The following DNASE1 variants were observed in gnomAD, a reference collection of about 807,000 sequenced individuals.
The protein encoded by DNASE1 is deoxyribonuclease-1.
DNASE1 carries 40 observed loss-of-function variants against 33.9 expected under a neutral mutation model. That is an observed-to-expected ratio of 1.18 (90% confidence interval 0.92 to 1.54). The LOEUF is 1.54. Among genes scored for constraint, DNASE1 ranks in the 40% most tolerant of loss-of-function variants. The pLI is 0.00. For synonymous variants in DNASE1, 216 were observed against 160.0 expected (o/e 1.35, Z -2.64); for missense variants, 518 against 372.6 (o/e 1.39, Z -3.21).
At chr16:3,627,118 C>A (rs2041537469) in intron 1 of DNASE1, among the ~76,000 whole-genome samples, 1 of 151,894 alleles carries the variant, frequency 6.6e-6, no homozygotes, top group South Asian at 2.1e-4. Flanking sequence ...TCAAGTGATC[C>A]TCCCATGTTG....
intron 1 of DNASE1, among the ~76,000 whole-genome samples, chr16:3,633,710 T>C (rs1395014694): frequency 6.6e-6 from 1 of 152,218 alleles, no homozygotes; most frequent in Non-Finnish European, 1.5e-5. Flanking sequence ...CTTCATGGGT[T>C]GTACAAGTTC....
chr16:3,626,427 G>A (rs1288176424), intron 1 of DNASE1, among the ~76,000 whole-genome samples: 4 of 152,136 alleles, frequency 2.6e-5, no homozygotes, highest in Non-Finnish European at 5.9e-5. Flanking sequence ...AATATCAAGT[G>A]TTTGGAGAGT....
upstream of DNASE1, among the ~76,000 whole-genome samples, chr16:3,642,208 G>A (rs1045645673): frequency 6.6e-6 from 1 of 152,222 alleles, no homozygotes; most frequent in Non-Finnish European, 1.5e-5. Flanking sequence ...GCGTGGAATG[G>A]TTCTGAGTTC....
downstream of DNASE1, chr16:3,658,110 C>T: frequency 6.2e-7 from 1 of 1,613,064 alleles, no homozygotes; most frequent in Non-Finnish European, 8.5e-7. Context: ...TGGTGTCAGT[C>T]CTTCTGGCCC....
At position 3,657,940 on chromosome 16, in the gene DNASE1, T is replaced by G. The variant is rs748665111; in HGVS notation, c.836T>G (p.Val279Gly). The G allele has an allele frequency of 1.9e-6, 3 of 1,613,750 alleles. No homozygotes were observed. Among genetic ancestry groups the G allele is most frequent in the Non-Finnish European group, 2.5e-6 (3 of 1,179,986 alleles). ...ATCAGTGACCACTATCCAGTGGAGG[T>G]GATGCTGAAGTGAGCAGCCCCTCCC... ...QAISDHYPVE[V>G]MLK Residue 279 changes from valine (V) to glycine (G), a missense_variant, in exon 9 of 9, where the codon GTG becomes GGG. Val to Gly is a moderately radical substitution (Grantham distance 109). Coordinates refer to ENST00000246949, the MANE Select transcript of DNASE1 (RefSeq NM_005223.4).
In DNASE1 at chr16:3,658,094, C is replaced by T. The variant is rs913565386; in HGVS notation, c.*141C>T. 7.4e-6 allele frequency: 12 copies of T among 1,611,340 alleles called. No individual in the cohort carries two copies. Among genetic ancestry groups the T allele is most frequent in the African/African-American group, 4.0e-5 (3 of 74,852 alleles). On this transcript the variant is annotated 3_prime_UTR_variant, in exon 9 of 9. Transcript: ENST00000246949. ...ATAAAGCTCAAGGAGGTGGGGCTGT[C>T]ATCTGTGGTGTCAGTCCTTCTGGCC... is the stretch of plus-strand genomic sequence containing the variant.
At chr16:3,650,187 C>T (rs1250615564), upstream of DNASE1, among the ~76,000 whole-genome samples, 1 of 152,018 alleles carries the variant, frequency 6.6e-6, no homozygotes, top group Admixed American at 6.6e-5. Flanking sequence ...TAGATTTTAC[C>T]TGCAGCTCAT....
At chr16:3,651,380 C>G (rs2042332262), upstream of DNASE1, 1 of 152,252 alleles carries the variant, frequency 6.6e-6, no homozygotes, top group African/African-American at 2.4e-5. Context: ...TCATCCTGAT[C>G]TGAGAAGGCG....
At chr16:3,653,806 C>CAAAAAAAAAAAAAAAAAAAAAAAA (rs71133649), upstream of DNASE1, 3 of 37,038 alleles carry the variant, frequency 8.1e-5, no homozygotes, top group African/African-American at 3.3e-4. Context: ...GATTCCGCCT[C>CAAAAAAAAAAAAAAAAAAAAAAAA]AAAAAAAAAA....
intron 1 of DNASE1, among the ~76,000 whole-genome samples, chr16:3,619,401 G>A (rs973225438): frequency 6.7e-5 from 10 of 148,434 alleles, no homozygotes; most frequent in South Asian, 6.4e-4. Context: ...TCGCTCTGTC[G>A]CCCAGGCCGA....
At chr16:3,619,307 A>G (rs2041219764) in intron 1 of DNASE1, among the ~76,000 whole-genome samples, 1 of 152,088 alleles carries the variant, frequency 6.6e-6, no homozygotes, top group Admixed American at 6.5e-5. Flanking sequence ...AAGTGCTGGG[A>G]TTACAGGCAT....
intron 1 of DNASE1, among the ~76,000 whole-genome samples, chr16:3,618,879 A>G (rs2041202221): frequency 1.3e-5 from 2 of 152,158 alleles, no homozygotes; most frequent in Admixed American, 1.3e-4. Context: ...TTTTAGTGAC[A>G]AGGTCTCATT....
chr16:3,630,976 A>G (rs916800453), intron 1 of DNASE1, among the ~76,000 whole-genome samples: 6 of 152,092 alleles, frequency 3.9e-5, no homozygotes, highest in African/African-American at 1.4e-4. Flanking sequence ...CTGATCAGGA[A>G]AGACTTATGT....
chr16:3,632,240 G>A (rs931647238), intron 1 of DNASE1, among the ~76,000 whole-genome samples: 2 of 152,162 alleles, frequency 1.3e-5, no homozygotes, highest in African/African-American at 2.4e-5. Flanking sequence ...GTTGCTTGAT[G>A]GTGCTGTTGA....
upstream of DNASE1, among the ~76,000 whole-genome samples, chr16:3,638,492 C>T (rs1046048996): frequency 6.6e-6 from 1 of 152,180 alleles, no homozygotes; most frequent in Non-Finnish European, 1.5e-5. Context: ...CGCCCGCCAC[C>T]ACACTCAGCT....
At chr16:3,662,978 G>C (rs373961891), downstream of DNASE1, 6 of 1,597,458 alleles carry the variant, frequency 3.8e-6, no homozygotes, top group Non-Finnish European at 5.1e-6. Flanking sequence ...CTGCGGAAGA[G>C]CAGGCGACAG....
At chr16:3,625,246 C>T (rs371514080) in intron 1 of DNASE1, among the ~76,000 whole-genome samples, 2 of 152,220 alleles carry the variant, frequency 1.3e-5, no homozygotes, top group African/African-American at 4.8e-5. Flanking sequence ...GCAGGGGTTA[C>T]AGTGAGCCGA....
chr16:3,662,490 T>C (rs2151239595), downstream of DNASE1: 1 of 519,156 alleles, frequency 1.9e-6, no homozygotes, highest in South Asian at 1.9e-5. Context: ...GACAGGTTGG[T>C]GGGGGGAGTC....
intron 1 of DNASE1, 86 bp downstream of exon 1, chr16:3,655,130 G>C (rs2042509115): frequency 1.7e-6 from 1 of 603,766 alleles, no homozygotes; most frequent in Non-Finnish European, 2.9e-6. Context: ...AGCAGCGAGT[G>C]AGGCGGAGGC....
Sources: gnomAD v4.1 joint callset for allele counts (sites outside exome capture counted in the v4.1 genomes callset) on GRCh38, gnomAD v4.1.1 for gene constraint, MANE v1.5 for transcripts, NCBI Gene and HGNC (gene_info 2026-07-23, HGNC 2026-07-21) for gene names.